Variants in PLSCR4 observed in about 807,000 individuals in gnomAD.
PLSCR4 encodes the protein Ca(2+)-dependent phospholipid scramblase 4.
A neutral mutation model predicts 36.3 loss-of-function variants in PLSCR4; 25 were observed. The observed-to-expected ratio is 0.69, with a 90% CI of 0.50 to 0.96. The LOEUF (loss-of-function observed/expected upper bound fraction) is 0.96. Ranked by LOEUF, PLSCR4 falls within the 40% of genes least tolerant of loss-of-function variation. PLSCR4 has a pLI of 0.00. For synonymous variants in PLSCR4, 122 were observed against 132.9 expected (o/e 0.92, Z 0.56); for missense variants, 408 against 414.7 (o/e 0.98, Z 0.14).
chr3:146,207,098 G>T (rs1403147035), intron 3 of PLSCR4, among the ~76,000 whole-genome samples: 1 of 152,090 alleles, frequency 6.6e-6, no homozygotes, highest in Non-Finnish European at 1.5e-5. Context: ...TAATGAGGTT[G>T]TAGTGGGATT....
At chr3:146,241,626 A>T (rs1399787625) in intron 1 of PLSCR4, among the ~76,000 whole-genome samples, 1 of 152,164 alleles carries the variant, frequency 6.6e-6, no homozygotes, top group Non-Finnish European at 1.5e-5. Context: ...AGCAGAGGAA[A>T]AATCAGCAAT....
intron 1 of PLSCR4, chr3:146,222,350 T>A (rs1228554806): frequency 4.5e-5 from 10 of 224,504 alleles, no homozygotes; most frequent in Admixed American, 1.2e-4. Context: ...AGAATGAGAT[T>A]TAAAAAAAGT....
rs149162101 is a variant in PLSCR4 at position 146,195,202 on chromosome 3, A to G, written c.867T>C (p.Ala289=). 1.1e-5 allele frequency: 17 copies of G among 1,613,086 alleles called. No individual in the cohort carries two copies. Among genetic ancestry groups the G allele is most frequent in the Non-Finnish European group, 1.4e-5 (17 of 1,179,170 alleles). Residue 289 remains alanine (A), a synonymous_variant, in exon 8 of 9, where the codon GCT becomes GCC. Coordinates refer to ENST00000354952, the MANE Select transcript of PLSCR4 (RefSeq NM_020353.3). ...GTGGGAAGTGAATGTCAAAATGGTC[A>G]GCATCTGCCATTGCTGATAACAAAC... is the stretch of plus-strand genomic sequence containing the variant. ...WNGLLSAMAD[A]DHFDIHFPLD... is the part of the protein sequence containing the mutation.
At chr3:146,211,724 A>T (rs567198736) in intron 3 of PLSCR4, among the ~76,000 whole-genome samples, 1 of 152,188 alleles carries the variant, frequency 6.6e-6, no homozygotes, top group South Asian at 2.1e-4. Context: ...ATTCATTTAG[A>T]GTTTTTGTGT....
intron 3 of PLSCR4, among the ~76,000 whole-genome samples, chr3:146,212,437 G>GC (rs1553751809): frequency 7.0e-6 from 1 of 143,604 alleles, no homozygotes; most frequent in African/African-American, 2.5e-5. Flanking sequence ...TTTTTGTTTT[G>GC]TTTTTTTTTG....
At position 146,251,031 on chromosome 3, in the gene PLSCR4, G is replaced by A. The variant is rs1181732472; in HGVS notation, c.-93C>T. 1 of 152,872 alleles carries A rather than the reference G, an allele frequency of 6.5e-6. No individual in the cohort carries two copies. Among genetic ancestry groups the A allele is most frequent in the African/African-American group, 2.4e-5 (1 of 41,478 alleles). 9.5% of individuals were successfully genotyped at this position (152,872 alleles called of 1,614,324 possible). ...TCTAGTTGTACTGGCAGAGGAAAGG[G>A]AAAGGAAAGGAGGCAGGGAAGGGAG... On this transcript the variant is annotated 5_prime_UTR_variant, in exon 1 of 9. Transcript: ENST00000354952.
chr3:146,209,980 T>C lies in PLSCR4; in HGVS notation c.119-3219A>G, dbSNP rs573300479. ...AGATTTCAGTATAGTCGTCCCTTGA[T>C]ATTCATAAAGGATTGGTTCCAGGAC... On this transcript the variant is annotated intron_variant, in intron 3 of 8. Coordinates refer to ENST00000354952, the MANE Select transcript of PLSCR4 (RefSeq NM_020353.3). 3.3e-5 allele frequency among the ~76,000 whole-genome samples: 5 copies of C among 152,240 alleles called. No homozygotes were observed. The South Asian group carries it at 1.0e-3, about 32-fold the overall frequency.
chr3:146,196,571 T>C, intron 7 of PLSCR4, 61 bp downstream of exon 7: 1 of 1,516,314 alleles, frequency 6.6e-7, no homozygotes, highest in Non-Finnish European at 9.1e-7. Context: ...ACCAGATCTT[T>C]CCATGGTCTG....
At chr3:146,211,858 G>C (rs1405780315) in intron 3 of PLSCR4, among the ~76,000 whole-genome samples, 1 of 151,976 alleles carries the variant, frequency 6.6e-6, no homozygotes, top group African/African-American at 2.4e-5. Flanking sequence ...AAATCAGTTG[G>C]CTACAGATGT....
intron 1 of PLSCR4, among the ~76,000 whole-genome samples, chr3:146,235,432 C>T (rs2035875699): frequency 1.3e-5 from 2 of 152,116 alleles, no homozygotes; most frequent in South Asian, 4.1e-4. Context: ...TTCCTGAGGC[C>T]TCCCCAGAAG....
chr3:146,205,476 A>T (rs1408830410), intron 4 of PLSCR4, among the ~76,000 whole-genome samples: 1 of 152,042 alleles, frequency 6.6e-6, no homozygotes, highest in Non-Finnish European at 1.5e-5. Flanking sequence ...TCCTTGACAT[A>T]TCCAAATTCC....
intron 3 of PLSCR4, among the ~76,000 whole-genome samples, chr3:146,207,903 C>T (rs553013596): frequency 2.6e-5 from 4 of 152,180 alleles, no homozygotes; most frequent in Admixed American, 2.0e-4. Flanking sequence ...ATACTATCAC[C>T]GTTCTTCACA....
In PLSCR4 at chr3:146,206,540, C is replaced by G. The variant is rs1357317133; in HGVS notation, c.340G>C (p.Glu114Gln). 1.9e-6 allele frequency: 3 copies of G among 1,609,582 alleles called. No homozygotes were observed. The highest frequency in any genetic ancestry group is 2.6e-6 in the Non-Finnish European group (3 of 1,176,116). Residue 114 changes from glutamate to glutamine, a missense_variant, in exon 4 of 9, where the codon GAA becomes CAA. Physicochemically the swap from Glu to Gln is conservative, Grantham distance 29 (BLOSUM62 2). Coordinates refer to ENST00000354952, the MANE Select transcript of PLSCR4 (RefSeq NM_020353.3). Reference protein sequence around the residue: ...TPMANCPPGLEYLVQLDNIHV... With the variant: ...TPMANCPPGLQYLVQLDNIHV... ...TCATGGAGTACCTGAACTAAGTATT[C>G]CAGACCAGGAGGGCAGTTTGCCATA...
intron 3 of PLSCR4, among the ~76,000 whole-genome samples, chr3:146,209,180 G>A (rs1576459904): frequency 6.6e-6 from 1 of 152,068 alleles, no homozygotes; most frequent in Non-Finnish European, 1.5e-5. Flanking sequence ...AATATTGTAT[G>A]TTCTCACACG....
chr3:146,199,900 A>G lies in PLSCR4; in HGVS notation c.537T>C (p.Thr179=). The G allele has an allele frequency of 6.2e-7, 1 of 1,613,596 alleles. No homozygotes were observed. Among genetic ancestry groups the G allele is most frequent in the Non-Finnish European group, 8.5e-7 (1 of 1,179,768 alleles). The change falls in exon 6 of 9, where the codon ACT becomes ACC. Residue 179 remains threonine, a synonymous_variant. Coordinates refer to ENST00000354952, the MANE Select transcript of PLSCR4 (RefSeq NM_020353.3). ...RTLRPFVLRV[T]DCMGREIMTM... Reference sequence around the variant, plus strand: ...TCATGATTTCTCGGCCCATACAATCAGTGACCCGGAGGACGAAGGGCCTTA... The same window carrying G: ...TCATGATTTCTCGGCCCATACAATCGGTGACCCGGAGGACGAAGGGCCTTA...
intron 1 of PLSCR4, among the ~76,000 whole-genome samples, chr3:146,232,490 T>A (rs1228149066): frequency 6.6e-6 from 1 of 152,218 alleles, no homozygotes; most frequent in East Asian, 1.9e-4. Flanking sequence ...TGTTTCTCCA[T>A]GTTTTTATGT....
At chr3:146,219,372 A>G (rs2035035161) in intron 3 of PLSCR4, among the ~76,000 whole-genome samples, 1 of 152,224 alleles carries the variant, frequency 6.6e-6, no homozygotes, top group African/African-American at 2.4e-5. Flanking sequence ...TAGATCTTGT[A>G]TATCATGTTG....
At chr3:146,200,998 T>C (rs1282025373) in intron 5 of PLSCR4, 37 bp downstream of exon 5, 2 of 1,373,582 alleles carry the variant, frequency 1.5e-6, no homozygotes, top group Non-Finnish European at 1.0e-6. Context: ...TTCCATCTGA[T>C]TAAAATACTG....
chr3:146,199,167 G>A (rs188032323), intron 6 of PLSCR4, among the ~76,000 whole-genome samples: 136 of 152,188 alleles, frequency 8.9e-4, no homozygotes, highest in African/African-American at 3.1e-3. Flanking sequence ...GGCTCAAACA[G>A]GTTAATTAAA....
Sources: allele counts gnomAD v4.1 joint callset (sites outside exome capture counted in the v4.1 genomes callset), GRCh38; gene constraint gnomAD v4.1.1; transcripts MANE v1.5; gene names NCBI Gene and HGNC (gene_info 2026-07-23, HGNC 2026-07-21).